The following PCNT variants were observed in gnomAD, a reference collection of about 807,000 sequenced individuals.
PCNT encodes pericentrin, also known as kendrin.
Under a neutral mutation model 380.4 loss-of-function variants are expected in PCNT, and 319 were observed. That is an observed-to-expected ratio of 0.84 (90% CI 0.77 to 0.92). PCNT has a LOEUF of 0.92. Ranked by LOEUF, PCNT falls within the 40% of genes least tolerant of loss-of-function variation. The pLI is 0.00. For synonymous variants in PCNT, 1,845 were observed against 1,735.2 expected, an observed-to-expected ratio of 1.06 and a Z score of -1.57; for missense variants, 4,400 against 4,255.3, an observed-to-expected ratio of 1.03 and a Z score of -0.95.
At chr21:46,389,488 T>C (rs2085959496) in intron 19 of PCNT, 57 bp downstream of exon 19, 1 of 1,413,010 alleles carries the variant, frequency 7.1e-7, no homozygotes, top group Non-Finnish European at 1.0e-6. Flanking sequence ...TAGCTGATGA[T>C]GCCACACGAG....
At position 46,346,221 on chromosome 21, in the gene PCNT, G is replaced by T; in HGVS notation, c.720+13G>T. The T allele has an allele frequency of 1.9e-6, 3 of 1,611,010 alleles. No homozygotes were observed. Among genetic ancestry groups the T allele is most frequent in the Non-Finnish European group, 2.5e-6 (3 of 1,177,414 alleles). ...GCATCAGAGTCAGGTGACCCGGCGG[G>T]GCCTGCACAGGCTCACAGCATGGGC... is the stretch of plus-strand genomic sequence containing the variant. On this transcript the variant is annotated intron_variant, in intron 4 of 46. Coordinates refer to ENST00000359568, the MANE Select transcript of PCNT (RefSeq NM_006031.6).
chr21:46,352,254 C>T (rs1444527128), intron 9 of PCNT, among the ~76,000 whole-genome samples: 1 of 152,252 alleles, frequency 6.6e-6, no homozygotes, highest in African/African-American at 2.4e-5. Flanking sequence ...GGAGAAAGAA[C>T]TGGAGACACT....
At chr21:46,409,470 G>C (rs1206112504) in intron 27 of PCNT, among the ~76,000 whole-genome samples, 1 of 152,116 alleles carries the variant, frequency 6.6e-6, no homozygotes, top group Non-Finnish European at 1.5e-5. Flanking sequence ...TTACAGGCGT[G>C]AGCCACTGTG....
At chr21:46,327,546 A>T (rs944233712) in intron 2 of PCNT, among the ~76,000 whole-genome samples, 1 of 152,168 alleles carries the variant, frequency 6.6e-6, no homozygotes, top group East Asian at 1.9e-4. Context: ...GATTATAGGC[A>T]TGAGCCACTG....
chr21:46,371,567 A>G (rs2085128355), intron 15 of PCNT, among the ~76,000 whole-genome samples: 1 of 152,204 alleles, frequency 6.6e-6, no homozygotes, highest in Non-Finnish European at 1.5e-5. Context: ...AAATTGTGTC[A>G]GAAGAAGCCA....
rs770848998 is a variant in PCNT at position 46,412,030 on chromosome 21, A to G, written c.5957A>G (p.His1986Arg). ...GTCACCGGCGACGTGGAGGCCTCCC[A>G]TGATGCTGCTTTGGAGCCGGTTGTC... is the stretch of plus-strand genomic sequence containing the variant. The part of the protein sequence containing the change: ...AQVTGDVEAS[H>R]DAALEPVVPD... Residue 1986 changes from histidine (H) to arginine (R), a missense_variant, in exon 28 of 47, where the codon CAT becomes CGT. His to Arg is a conservative substitution (Grantham distance 29). Coordinates refer to ENST00000359568, the MANE Select transcript of PCNT (RefSeq NM_006031.6). 4 of 1,608,284 alleles carry G rather than the reference A, an allele frequency of 2.5e-6. No individual in the cohort carries two copies. Among genetic ancestry groups the G allele is most frequent in the African/African-American group, 2.7e-5 (2 of 74,898 alleles).
At chr21:46,329,905 G>C (rs943143867) in intron 2 of PCNT, among the ~76,000 whole-genome samples, 5 of 152,200 alleles carry the variant, frequency 3.3e-5, no homozygotes, top group African/African-American at 1.2e-4. Flanking sequence ...GGCAGGGCCT[G>C]ACTGATTTTC....
At chr21:46,433,044 C>T (rs750426705) in intron 38 of PCNT, among the ~76,000 whole-genome samples, 1 of 152,198 alleles carries the variant, frequency 6.6e-6, no homozygotes, top group Non-Finnish European at 1.5e-5. Context: ...TTCCGTCACT[C>T]AGGCTGGAGT....
chr21:46,379,819 G>C (rs35449415), intron 15 of PCNT, among the ~76,000 whole-genome samples: 17,322 of 152,180 alleles, frequency 0.11, 1,156 homozygotes, highest in South Asian at 0.21. Flanking sequence ...AGGGCCCTGC[G>C]TGCATTGTGC....
chr21:46,390,798 G>A lies in PCNT; in HGVS notation c.3969G>A (p.Lys1323=). The change falls in exon 20 of 47, where the codon AAG becomes AAA. Residue 1323 remains lysine, a synonymous_variant. Coordinates refer to ENST00000359568, the MANE Select transcript of PCNT (RefSeq NM_006031.6). ...GTTTGAAGGAGGAGAGCGCAGCAAA[G>A]GCAGAGCTGGCGCTGGAGCTGCACA... ...LECLKEESAA[K]AELALELHKT... 6.2e-7 allele frequency: 1 copy of A among 1,611,262 alleles called. No homozygotes were observed. The highest frequency in any genetic ancestry group is 8.5e-7 in the Non-Finnish European group (1 of 1,179,176).
chr21:46,403,554 TTG>T (rs1291410809), intron 27 of PCNT, among the ~76,000 whole-genome samples: 6 of 104,210 alleles, frequency 5.8e-5, no homozygotes, highest in Admixed American at 2.1e-4. Context: ...CGTGGGAGAA[TTG>T]TGTGTGTGTG....
chr21:46,416,615 G>A lies in PCNT; in HGVS notation c.6697G>A (p.Asp2233Asn). The change falls in exon 30 of 47, where the codon GAC becomes AAC. Residue 2233 changes from aspartate (D) to asparagine (N), a missense_variant. Coordinates refer to ENST00000359568, the MANE Select transcript of PCNT (RefSeq NM_006031.6). ...SWSSPEVLRK[D>N]WTLEPWPSLP... ...GAGCTCCCCTGAGGTCCTCAGGAAG[G>A]ACTGGACCCTGGAGCCCTGGCCCAG... 6.3e-7 allele frequency: 1 copy of A among 1,589,244 alleles called. No individual in the cohort carries two copies. The highest frequency in any genetic ancestry group is 8.6e-7 in the Non-Finnish European group (1 of 1,168,310).
intron 4 of PCNT, among the ~76,000 whole-genome samples, chr21:46,346,502 C>T (rs908014776): frequency 3.3e-5 from 5 of 152,168 alleles, no homozygotes; most frequent in African/African-American, 1.2e-4. Context: ...TGCCGTCATA[C>T]AGCGAGGGAA....
rs1415051664 is a variant in PCNT, at chr21:46,444,840, G to A, written c.9967+19G>A. The A allele has an allele frequency of 5.0e-6, 8 of 1,610,982 alleles. No homozygotes were observed. The highest frequency in any genetic ancestry group is 2.2e-5 in the East Asian group (1 of 44,872). Reference sequence around the variant, plus strand: ...CTACCAGGTAATGCAAGTCCTCGCCGAGTATTTATTAAGCTGATTATCACT... The same window carrying A: ...CTACCAGGTAATGCAAGTCCTCGCCAAGTATTTATTAAGCTGATTATCACT... On this transcript the variant is annotated intron_variant, in intron 46 of 46. Coordinates refer to ENST00000359568, the MANE Select transcript of PCNT (RefSeq NM_006031.6).
At chr21:46,404,297 G>A (rs2086558068) in intron 27 of PCNT, among the ~76,000 whole-genome samples, 2 of 152,332 alleles carry the variant, frequency 1.3e-5, no homozygotes, top group East Asian at 3.9e-4. Context: ...TAAAACTGTA[G>A]GCTTATTTAA....
Position 46,425,788 on chromosome 21 carries a change from G to C in PCNT, c.7180-43G>C. 1 of 1,610,510 alleles carries C rather than the reference G, an allele frequency of 6.2e-7. No homozygotes were observed. The highest frequency in any genetic ancestry group is 1.1e-5 in the South Asian group (1 of 90,936). On this transcript the variant is annotated intron_variant, in intron 32 of 46. Coordinates refer to ENST00000359568, the MANE Select transcript of PCNT (RefSeq NM_006031.6). The surrounding 1 kb of genome is among the most constrained non-coding windows in gnomAD (Gnocchi z 4.2). ...CAGGTGGTGTAGAGCGTGGCTGTGT[G>C]GGGTGGCAGGCAACTCCCTTCTGAC...
intron 13 of PCNT, among the ~76,000 whole-genome samples, chr21:46,361,757 GT>G (rs1245770954): frequency 6.6e-6 from 1 of 152,078 alleles, no homozygotes; most frequent in Non-Finnish European, 1.5e-5. Flanking sequence ...CATTTTCTCC[GT>G]TTTTTGAAGT....
chr21:46,325,974 A>G (rs763199362), intron 1 of PCNT, among the ~76,000 whole-genome samples: 1 of 152,222 alleles, frequency 6.6e-6, no homozygotes, highest in Non-Finnish European at 1.5e-5. Context: ...GCTGGGCTAT[A>G]TATTTCTTCA....
At position 46,355,111 on chromosome 21, in the gene PCNT, G is replaced by A. The variant is rs541453170; in HGVS notation, c.1762-341G>A. ...GCCCTGAGATGTGAGGCCACCAGGGGAGACGCGAGGGGCACGTGCCCTACC... is the reference window on the plus strand; with the variant it reads ...GCCCTGAGATGTGAGGCCACCAGGGAAGACGCGAGGGGCACGTGCCCTACC... On this transcript the variant is annotated intron_variant, in intron 11 of 46. Transcript: ENST00000359568. Among the ~76,000 whole-genome samples the A allele has an allele frequency of 2.7e-3, 407 of 152,350 alleles. 3 individuals are homozygous for A. Among genetic ancestry groups the A allele is most frequent in the Middle Eastern group, 0.01 (3 of 294 alleles).
Sources: allele counts gnomAD v4.1 joint callset (sites outside exome capture counted in the v4.1 genomes callset), GRCh38; gene constraint gnomAD v4.1.1; non-coding constraint Gnocchi (gnomAD v3.1); transcripts MANE v1.5; gene names NCBI Gene and HGNC (gene_info 2026-07-23, HGNC 2026-07-21).